Variants in INTS3 observed in about 807,000 individuals in gnomAD.
INTS3 encodes SOSS complex subunit A.
Under a neutral mutation model 146.3 loss-of-function variants are expected in INTS3, and 34 were observed. The ratio of observed to expected loss-of-function variants is 0.23; its 90% CI spans 0.18 to 0.31. The LOEUF (loss-of-function observed/expected upper bound fraction) is 0.31. Ranked by LOEUF, INTS3 falls within the 10% of genes least tolerant of loss-of-function variation. INTS3 has a pLI of 1.00. For missense variants in INTS3, 757 were observed against 1,304.2 expected, an observed-to-expected ratio of 0.58 and a Z score of 6.46; for synonymous variants, 475 against 494.9, an observed-to-expected ratio of 0.96 and a Z score of 0.53.
intron 9 of INTS3, among the ~76,000 whole-genome samples, chr1:153,755,950 G>T (rs1441866777): frequency 1.3e-5 from 2 of 152,172 alleles, no homozygotes; most frequent in African/African-American, 4.8e-5. Context: ...TGAGGCAGGA[G>T]AATCACTTGA....
intron 5 of INTS3, 86 bp downstream of exon 5, chr1:153,747,449 G>A: frequency 9.9e-7 from 1 of 1,011,328 alleles, no homozygotes; most frequent in Non-Finnish European, 1.6e-6. Context: ...AAGTGCCAAA[G>A]GGATGGAATT....
intron 14 of INTS3, 102 bp from the exon 15 acceptor site, chr1:153,762,626 C>G (rs1672427137): frequency 1.4e-6 from 2 of 1,411,330 alleles, no homozygotes; most frequent in South Asian, 1.3e-5. Flanking sequence ...ATGATAAACT[C>G]CTTATTCTCT....
At chr1:153,767,971 C>T in intron 21 of INTS3, 144 bp downstream of exon 21, 2 of 718,714 alleles carry the variant, frequency 2.8e-6, no homozygotes, top group Non-Finnish European at 2.1e-6. Context: ...CACAGCTGTC[C>T]CCTCCTTCCA....
intron 8 of INTS3, among the ~76,000 whole-genome samples, chr1:153,754,088 A>C (rs1364231859): frequency 6.6e-6 from 1 of 151,570 alleles, no homozygotes; most frequent in Non-Finnish European, 1.5e-5. Flanking sequence ...GGTGTGAGCC[A>C]CCATGCTGGT....
chr1:153,741,223 T>G, intron 2 of INTS3, 62 bp from the exon 3 acceptor site: 7 of 1,225,284 alleles, frequency 5.7e-6, no homozygotes, highest in Non-Finnish European at 8.5e-6. Flanking sequence ...TGGGAGAAAC[T>G]GAGTTTGAGA....
chr1:153,770,104 CTGGTAGTCAGTGGATGGGGGGGTGGGG>C, intron 23 of INTS3, 67 bp from the exon 24 acceptor site: 1 of 346,744 alleles, frequency 2.9e-6, no homozygotes. Flanking sequence ...TGTGTGTGTG[CTGGTAGTCAGTGGATGGGGGGGTGGGG>C]GGGGTGTGTG....
intron 10 of INTS3, among the ~76,000 whole-genome samples, chr1:153,758,462 T>A (rs1193269649): frequency 1.3e-5 from 2 of 152,092 alleles, no homozygotes; most frequent in African/African-American, 4.8e-5. Flanking sequence ...GACTTCTGAG[T>A]CCAAGCATTG....
At position 153,773,838 on chromosome 1, in the gene INTS3, G is replaced by A. The variant is rs1367256103; in HGVS notation, c.*568G>A. 5.8e-6 allele frequency: 1 copy of A among 171,300 alleles called. No homozygotes were observed. The highest frequency in any genetic ancestry group is 6.1e-5 in the Admixed American group (1 of 16,392). 10.6% of individuals were successfully genotyped at this position (171,300 alleles called of 1,614,324 possible). ...GGCAGATGCCACAAGCATTCAGAAA[G>A]GAGTCTGAAAGGGTGGCCACAGCCC... On this transcript the variant is annotated 3_prime_UTR_variant, in exon 30 of 30. Coordinates refer to ENST00000318967, the MANE Select transcript of INTS3 (RefSeq NM_023015.5).
chr1:153,770,444 A>G, intron 24 of INTS3, 133 bp downstream of exon 24: 1 of 734,156 alleles, frequency 1.4e-6, no homozygotes, highest in Non-Finnish European at 2.4e-6. Flanking sequence ...GCACAAGGGC[A>G]GGCTCTCTGT....
intron 13 of INTS3, chr1:153,761,165 C>A: frequency 1.0e-6 from 1 of 961,380 alleles, no homozygotes; most frequent in Non-Finnish European, 1.5e-6. Context: ...TGAGTATGGT[C>A]CAGTTAGACT....
At chr1:153,732,936 T>C (rs570704559) in intron 1 of INTS3, among the ~76,000 whole-genome samples, 1 of 151,546 alleles carries the variant, frequency 6.6e-6, no homozygotes, top group Non-Finnish European at 1.5e-5. Context: ...CCTGAGTAGC[T>C]AGGAGTAAAG....
chr1:153,764,490 G>A (rs1672500781), intron 18 of INTS3, among the ~76,000 whole-genome samples, 200 bp from the exon 19 acceptor site: 1 of 152,190 alleles, frequency 6.6e-6, no homozygotes, highest in African/African-American at 2.4e-5. Flanking sequence ...TTGGACCTTG[G>A]CCTGGAGCCT....
chr1:153,746,682 T>G (rs1175483267), intron 3 of INTS3, among the ~76,000 whole-genome samples: 5 of 151,294 alleles, frequency 3.3e-5, no homozygotes, highest in Non-Finnish European at 7.4e-5. Context: ...ATTACAGGCG[T>G]GAGCCACTGC....
chr1:153,738,071 G>A (rs1488896633), intron 1 of INTS3, among the ~76,000 whole-genome samples: 1 of 151,936 alleles, frequency 6.6e-6, no homozygotes, highest in African/African-American at 2.4e-5. Flanking sequence ...TATAAGAAAA[G>A]GACTTTTAAA....
chr1:153,729,556 G>A (rs1670985932), intron 1 of INTS3, among the ~76,000 whole-genome samples: 2 of 152,246 alleles, frequency 1.3e-5, no homozygotes, highest in East Asian at 1.9e-4. Context: ...TCCTACAAAC[G>A]AGAATATGTA....
chr1:153,770,654 C>T, intron 24 of INTS3, 31 bp from the exon 25 acceptor site: 1 of 1,595,704 alleles, frequency 6.3e-7, no homozygotes, highest in Non-Finnish European at 8.6e-7. Flanking sequence ...TCATACCTTC[C>T]CCCTGAACAG....
Position 153,773,296 on chromosome 1 carries a change from C to G in INTS3, c.*26C>G. ...GGCCCTGCATTCCCCATCCCACCCCCGGCTGGACTGCCCTCTCCTTCTTGG... is the reference window on the plus strand; with the variant it reads ...GGCCCTGCATTCCCCATCCCACCCCGGGCTGGACTGCCCTCTCCTTCTTGG... On this transcript the variant is annotated 3_prime_UTR_variant, in exon 30 of 30. Coordinates refer to ENST00000318967, the MANE Select transcript of INTS3 (RefSeq NM_023015.5). 1 of 1,594,522 alleles carries G rather than the reference C, an allele frequency of 6.3e-7. No individual in the cohort carries two copies. The highest frequency in any genetic ancestry group is 1.3e-5 in the African/African-American group (1 of 74,638).
At position 153,767,795 on chromosome 1, in the gene INTS3, C is replaced by T; in HGVS notation, c.2212C>T (p.Leu738=). 1 of 1,555,148 alleles carries T rather than the reference C, an allele frequency of 6.4e-7. No homozygotes were observed. Among genetic ancestry groups the T allele is most frequent in the Non-Finnish European group, 8.7e-7 (1 of 1,149,376 alleles). The change falls in exon 21 of 30, where the codon CTG becomes TTG. Residue 738 remains leucine (L), a synonymous_variant. Coordinates refer to ENST00000318967, the MANE Select transcript of INTS3 (RefSeq NM_023015.5). ...CTGCCAGGAGGACGATGTGCGGCTC[C>T]TGTGCCACCTCACGCCCTCCATCTA... ...KACQEDDVRL[L]CHLTPSIYTE... is the part of the protein sequence containing the mutation.
chr1:153,758,048 C>T (rs1672226971), intron 10 of INTS3, among the ~76,000 whole-genome samples: 2 of 152,278 alleles, frequency 1.3e-5, no homozygotes, highest in South Asian at 4.1e-4. Context: ...TTTTTGCTTC[C>T]AGAAACCATA....
Sources: allele counts gnomAD v4.1 joint callset (sites outside exome capture counted in the v4.1 genomes callset), GRCh38; gene constraint gnomAD v4.1.1; transcripts MANE v1.5; gene names NCBI Gene and HGNC (gene_info 2026-07-23, HGNC 2026-07-21).